Variants in SRGAP1 observed in about 807,000 individuals in gnomAD.
SRGAP1 encodes the protein SLIT-ROBO Rho GTPase activating protein 1.
SRGAP1 carries 43 observed loss-of-function variants against 121.9 expected under a neutral mutation model. The ratio of observed to expected loss-of-function variants is 0.35; its 90% CI spans 0.28 to 0.46. The LOEUF (loss-of-function observed/expected upper bound fraction) is 0.46. Among genes scored for constraint, SRGAP1 ranks in the 20% least tolerant of loss-of-function variants. The pLI, the probability that SRGAP1 is intolerant of heterozygous loss-of-function variation, is 1.00. For synonymous variants in SRGAP1, 447 were observed against 485.4 expected (o/e 0.92, Z 1.04); for missense variants, 1,102 against 1,350.9 (o/e 0.82, Z 2.89).
intron 3 of SRGAP1, among the ~76,000 whole-genome samples, chr12:64,002,920 A>T (rs963853089): frequency 6.6e-6 from 1 of 152,012 alleles, no homozygotes; most frequent in Non-Finnish European, 1.5e-5. Context: ...AACCAGATAA[A>T]TTTCAACTTC....
intron 4 of SRGAP1, among the ~76,000 whole-genome samples, chr12:64,025,217 C>G (rs1032609472): frequency 1.3e-5 from 2 of 151,886 alleles, no homozygotes; most frequent in African/African-American, 4.8e-5. Context: ...TTATTTCAAG[C>G]CCTTCCTTGA....
intron 1 of SRGAP1, among the ~76,000 whole-genome samples, chr12:63,921,158 T>A (rs1288579107): frequency 6.6e-6 from 1 of 152,212 alleles, no homozygotes; most frequent in Non-Finnish European, 1.5e-5. Flanking sequence ...CCTGACAGTT[T>A]ACTTCTAAAA....
intron 10 of SRGAP1, chr12:64,081,939 G>A (rs1438315417): frequency 2.3e-5 from 3 of 128,932 alleles, no homozygotes; most frequent in Non-Finnish European, 3.3e-5. Context: ...TTTTATCTTT[G>A]AATAGTTTTC....
intron 3 of SRGAP1, among the ~76,000 whole-genome samples, chr12:64,004,517 C>T (rs947713740): frequency 3.9e-5 from 6 of 151,978 alleles, no homozygotes; most frequent in Non-Finnish European, 8.8e-5. Flanking sequence ...GACTACAGGG[C>T]CCGCCACCAC....
intron 1 of SRGAP1, among the ~76,000 whole-genome samples, chr12:63,893,591 AAT>A (rs2136298963): frequency 6.6e-6 from 1 of 152,326 alleles, no homozygotes; most frequent in Admixed American, 6.5e-5. Flanking sequence ...CCTAGGAATG[AAT>A]GGTCCTATCC....
At chr12:63,969,976 C>T (rs1020539102) in intron 1 of SRGAP1, among the ~76,000 whole-genome samples, 17 of 152,078 alleles carry the variant, frequency 1.1e-4, no homozygotes, top group Non-Finnish European at 2.5e-4. Context: ...CCTCACATGT[C>T]CCTCCTGACT....
chr12:64,023,516 A>G lies in SRGAP1; in HGVS notation c.489+6504A>G, dbSNP rs533567268. Among the ~76,000 whole-genome samples, 7 of 152,354 alleles carry G rather than the reference A, an allele frequency of 4.6e-5. No homozygotes were observed. The South Asian group carries it at 6.2e-4, about 14-fold the overall frequency. ...TTTCTTTACTTTCTCTAGGCTTTAC[A>G]GCATTACACTCAGCATTTTACAAAA... On this transcript the variant is annotated intron_variant, in intron 4 of 21. Coordinates refer to ENST00000355086, the MANE Select transcript of SRGAP1 (RefSeq NM_020762.4).
intron 15 of SRGAP1, among the ~76,000 whole-genome samples, chr12:64,104,313 G>A (rs2136605447): frequency 6.6e-6 from 1 of 152,302 alleles, no homozygotes; most frequent in Middle Eastern, 3.4e-3. Context: ...GGAGCTTTGA[G>A]CATGTGATCA....
intron 1 of SRGAP1, among the ~76,000 whole-genome samples, chr12:63,905,974 C>A (rs2030185089): frequency 6.6e-6 from 1 of 152,186 alleles, no homozygotes. Context: ...GCAGCCATCA[C>A]TGCAATGCAG....
intron 4 of SRGAP1, among the ~76,000 whole-genome samples, chr12:64,036,089 A>G (rs2034897041): frequency 6.6e-6 from 1 of 152,204 alleles, no homozygotes; most frequent in South Asian, 2.1e-4. Flanking sequence ...GGGTTTGGCC[A>G]GGTATACTAA....
intron 8 of SRGAP1, among the ~76,000 whole-genome samples, chr12:64,072,834 T>A (rs190803001): frequency 2.6e-5 from 4 of 152,316 alleles, no homozygotes; most frequent in Admixed American, 2.6e-4. Flanking sequence ...GTGATGGTAA[T>A]GTCCTGGTAA....
Position 63,927,360 on chromosome 12 carries a change from G to A in SRGAP1, c.68-56587G>A, listed in dbSNP as rs74099370. On this transcript the variant is annotated intron_variant, in intron 1 of 21. Coordinates refer to ENST00000355086, the MANE Select transcript of SRGAP1 (RefSeq NM_020762.4). ...GGCTGGCCCAGTCCCTAGCTGGCCC[G>A]GATTAGGTACTTGGTAAGTATCTAT... 3.2e-3 allele frequency among the ~76,000 whole-genome samples: 492 copies of A among 152,210 alleles called. 5 individuals are homozygous for A. Among genetic ancestry groups the A allele is most frequent in the African/African-American group, 0.011 (464 of 41,516 alleles).
At chr12:64,139,096 C>G (rs550042831) in intron 21 of SRGAP1, among the ~76,000 whole-genome samples, 1 of 152,312 alleles carries the variant, frequency 6.6e-6, no homozygotes, top group South Asian at 2.1e-4. Flanking sequence ...AAAAGTTGAA[C>G]AAGGTGCAGG....
chr12:63,906,295 CT>C (rs1206222570), intron 1 of SRGAP1, among the ~76,000 whole-genome samples: 1 of 151,366 alleles, frequency 6.6e-6, no homozygotes, highest in Admixed American at 6.6e-5. Context: ...TTTAATAGTT[CT>C]TTTTTTGTTT....
rs1394139707 is a variant in SRGAP1, at chr12:64,158,149, T to G, written c.*15477T>G. ...GGGAGGCTGAGGCAAGAGGATTGCT[T>G]GAGCCCAGAGCAATTAAACACTGCC... On this transcript the variant is annotated 3_prime_UTR_variant, in exon 22 of 22. Transcript: ENST00000355086. 1.3e-5 allele frequency: 2 copies of G among 152,226 alleles called. No homozygotes were observed. Among genetic ancestry groups the G allele is most frequent in the Non-Finnish European group, 2.9e-5 (2 of 68,046 alleles). 9.4% of individuals were successfully genotyped at this position (152,226 alleles called of 1,614,324 possible). A position where few individuals can be genotyped will look rare whatever the true frequency, so the allele number is the denominator to read the frequency against.
intron 8 of SRGAP1, among the ~76,000 whole-genome samples, chr12:64,072,108 CTGTG>C (rs66959510): frequency 0.095 from 7,614 of 80,396 alleles, 427 homozygotes; most frequent in South Asian, 0.24. Flanking sequence ...CAATCTCTCT[CTGTG>C]TGTGTGTGTG....
At chr12:63,946,011 C>G (rs999820916) in intron 1 of SRGAP1, among the ~76,000 whole-genome samples, 4 of 150,956 alleles carry the variant, frequency 2.6e-5, no homozygotes, top group African/African-American at 9.8e-5. Flanking sequence ...ACCTTCCTAC[C>G]TGGTTCACCC....
intron 21 of SRGAP1, among the ~76,000 whole-genome samples, chr12:64,134,910 G>A (rs370792705): frequency 6.6e-6 from 1 of 152,062 alleles, no homozygotes; most frequent in African/African-American, 2.4e-5. Flanking sequence ...TCACCTCCAG[G>A]GGCCTGCCGG....
chr12:63,891,359 G>A (rs936855218), intron 1 of SRGAP1, among the ~76,000 whole-genome samples: 8 of 152,232 alleles, frequency 5.3e-5, no homozygotes, highest in African/African-American at 1.7e-4. Context: ...CCTTCATACC[G>A]TTCTTTCCTA....
Sources: allele counts gnomAD v4.1 joint callset (sites outside exome capture counted in the v4.1 genomes callset), GRCh38; gene constraint gnomAD v4.1.1; transcripts MANE v1.5; gene names NCBI Gene and HGNC (gene_info 2026-07-23, HGNC 2026-07-21).